The following LAMA2 variants were observed in gnomAD, a reference collection of about 807,000 sequenced individuals.
LAMA2 encodes the protein laminin subunit alpha-2.
A neutral mutation model predicts 364.8 loss-of-function variants in LAMA2; 269 were observed. The ratio of observed to expected loss-of-function variants is 0.74; its 90% CI spans 0.67 to 0.82. The LOEUF is 0.82. Among genes scored for constraint, LAMA2 ranks in the 40% least tolerant of loss-of-function variants. The pLI is 0.00. For missense variants in LAMA2, 3,807 were observed against 3,873.2 expected (o/e 0.98, Z 0.45); for synonymous variants, 1,379 against 1,370.6 (o/e 1.01, Z -0.14).
chr6:129,465,310 T>TAGGCCTTATACATGATACA (rs1171197892), intron 51 of LAMA2, 21 bp downstream of exon 51: 1 of 1,582,612 alleles, frequency 6.3e-7, no homozygotes, highest in African/African-American at 1.3e-5. Flanking sequence ...ACAGTAATAA[T>TAGGCCTTATACATGATACA]GCAATATAGG....
intron 4 of LAMA2, among the ~76,000 whole-genome samples, chr6:129,121,156 G>A (rs1743977942): frequency 6.6e-6 from 1 of 152,154 alleles, no homozygotes; most frequent in African/African-American, 2.4e-5. Context: ...CTGATGGTGG[G>A]CTTGGGATGT....
intron 1 of LAMA2, among the ~76,000 whole-genome samples, chr6:128,944,672 G>A (rs955025399): frequency 1.3e-5 from 2 of 151,730 alleles, no homozygotes; most frequent in Non-Finnish European, 2.9e-5. Flanking sequence ...AAGAAAAGAC[G>A]ATTAAGTGGT....
chr6:129,285,953 A>C (rs936246558), intron 18 of LAMA2, among the ~76,000 whole-genome samples: 5 of 152,152 alleles, frequency 3.3e-5, no homozygotes, highest in African/African-American at 9.7e-5. Context: ...TAAAACATCA[A>C]ATCTATGAAT....
intron 3 of LAMA2, among the ~76,000 whole-genome samples, chr6:129,061,118 C>G (rs1380007942): frequency 6.6e-6 from 1 of 152,152 alleles, no homozygotes; most frequent in Non-Finnish European, 1.5e-5. Flanking sequence ...GTGCATGAAT[C>G]CCCTGGGGAT....
rs1256731707 is a variant in LAMA2 at position 129,430,021 on chromosome 6, AC to A, written c.5968+2168del. On this transcript the variant is annotated intron_variant, in intron 41 of 64. Transcript: ENST00000421865. Reference sequence around the variant, plus strand: ...ACATTATTTAAAGTAATGAAAACCCACAAACTACTCAAGTAATAATTCCTCT... The same window carrying A: ...ACATTATTTAAAGTAATGAAAACCCAAAACTACTCAAGTAATAATTCCTCT... Among the ~76,000 whole-genome samples the A allele has an allele frequency of 2.6e-5, 4 of 152,318 alleles. No homozygotes were observed. In the East Asian group the frequency reaches 7.7e-4, roughly 29 times the overall value.
At chr6:129,076,666 T>C (rs1038290539) in intron 3 of LAMA2, among the ~76,000 whole-genome samples, 1 of 151,456 alleles carries the variant, frequency 6.6e-6, no homozygotes, top group Non-Finnish European at 1.5e-5. Context: ...ATTAAGGAAA[T>C]AGCCAATAAA....
chr6:129,379,008 A>G (rs546683379), intron 34 of LAMA2, among the ~76,000 whole-genome samples: 3 of 152,356 alleles, frequency 2.0e-5, no homozygotes, highest in African/African-American at 7.2e-5. Flanking sequence ...CATACACACC[A>G]TGGAATACTA....
intron 1 of LAMA2, among the ~76,000 whole-genome samples, chr6:128,917,734 C>CTTT (rs147581913): frequency 5.4e-5 from 6 of 111,742 alleles, no homozygotes; most frequent in Non-Finnish European, 7.2e-5. Flanking sequence ...TTCTTTCTTT[C>CTTT]TTTTTTTTTT....
At chr6:129,346,764 G>T (rs1464601100) in intron 30 of LAMA2, among the ~76,000 whole-genome samples, 1 of 152,262 alleles carries the variant, frequency 6.6e-6, no homozygotes, top group East Asian at 1.9e-4. Context: ...GTAAGATAAA[G>T]AAATAGATAT....
chr6:129,355,578 C>T (rs1043618886), intron 32 of LAMA2, among the ~76,000 whole-genome samples: 8 of 152,144 alleles, frequency 5.3e-5, no homozygotes, highest in Admixed American at 5.2e-4. Flanking sequence ...CACATGTAAT[C>T]ATGGTGGAAT....
At chr6:129,506,115 G>A (rs988455760) in intron 61 of LAMA2, among the ~76,000 whole-genome samples, 5 of 152,086 alleles carry the variant, frequency 3.3e-5, no homozygotes, top group African/African-American at 1.2e-4. Context: ...CACTTTGGGA[G>A]GCCAAGGCAG....
In LAMA2 at chr6:129,328,397, A is replaced by G. The variant is rs1423553661; in HGVS notation, c.4296A>G (p.Glu1432=). ...GACACAGCAGCCTGTGTGACCCTGA[A>G]ACATCGATATGCCAGGTAGTCCTCT... ...CNGHSSLCDP[E]TSICQNCQHH... The change falls in exon 29 of 65, where the codon GAA becomes GAG. Residue 1432 remains glutamate (E), a synonymous_variant. Transcript: ENST00000421865. The G allele has an allele frequency of 6.2e-6, 10 of 1,614,042 alleles. No individual in the cohort carries two copies. The highest frequency in any genetic ancestry group is 8.5e-6 in the Non-Finnish European group (10 of 1,180,026).
chr6:129,204,814 CT>C (rs1196281296), intron 12 of LAMA2, among the ~76,000 whole-genome samples: 2 of 152,102 alleles, frequency 1.3e-5, no homozygotes, highest in African/African-American at 4.8e-5. Context: ...GTGACTCTCT[CT>C]AATGTATAAA....
At chr6:129,382,491 C>CA (rs1160097827) in intron 34 of LAMA2, among the ~76,000 whole-genome samples, 1 of 152,182 alleles carries the variant, frequency 6.6e-6, no homozygotes, top group Non-Finnish European at 1.5e-5. Context: ...ACTTTGCTGA[C>CA]ACTGCTGCAT....
chr6:129,103,030 A>C (rs1320323784), intron 4 of LAMA2, among the ~76,000 whole-genome samples: 1 of 152,236 alleles, frequency 6.6e-6, no homozygotes, highest in African/African-American at 2.4e-5. Flanking sequence ...CTGTCAAAAG[A>C]GCTGCTCAGT....
At chr6:129,091,940 G>C (rs1258801618) in intron 3 of LAMA2, among the ~76,000 whole-genome samples, 1 of 152,190 alleles carries the variant, frequency 6.6e-6, no homozygotes, top group East Asian at 1.9e-4. Context: ...ACAATTTTCT[G>C]AGATTGCCTA....
intron 3 of LAMA2, among the ~76,000 whole-genome samples, chr6:129,060,690 G>T (rs1054593542): frequency 1.4e-4 from 21 of 152,192 alleles, no homozygotes. Context: ...ATCACTGTGT[G>T]GGGAAGCCCC....
rs1403689443 is a variant in LAMA2, at chr6:129,092,275, G to A, written c.397-5898G>A. On this transcript the variant is annotated intron_variant, in intron 3 of 64. Coordinates refer to ENST00000421865, the MANE Select transcript of LAMA2 (RefSeq NM_000426.4). ...TTTTCTTTAGCGTCACAGGGGAAGA[G>A]CTGATAATTGTATTGGCTATATGTA... 3.9e-5 allele frequency among the ~76,000 whole-genome samples: 6 copies of A among 152,194 alleles called. No homozygotes were observed. The South Asian group carries it at 1.2e-3, about 32-fold the overall frequency.
At chr6:129,020,860 T>A (rs9385478) in intron 1 of LAMA2, among the ~76,000 whole-genome samples, 253 of 152,208 alleles carry the variant, frequency 1.7e-3, no homozygotes, top group Non-Finnish European at 2.6e-3. Flanking sequence ...GGTTCTAAGG[T>A]GGCTTCTTTA....
Sources: allele counts gnomAD v4.1 joint callset (sites outside exome capture counted in the v4.1 genomes callset), GRCh38; gene constraint gnomAD v4.1.1; transcripts MANE v1.5; gene names NCBI Gene and HGNC (gene_info 2026-07-23, HGNC 2026-07-21).